Variants in PAM observed in about 807,000 individuals in gnomAD.
The protein encoded by PAM is peptidyl-glycine alpha-amidating monooxygenase.
In PAM, 72 loss-of-function variants were observed where a neutral mutation model predicts 122.1. That is an observed-to-expected ratio of 0.59 (90% CI 0.49 to 0.72). The LOEUF (loss-of-function observed/expected upper bound fraction) is 0.72. Ranked by LOEUF, PAM falls within the 30% of genes least tolerant of loss-of-function variation. PAM has a pLI of 0.00. For synonymous variants in PAM, 389 were observed against 404.4 expected, an observed-to-expected ratio of 0.96 and a Z score of 0.46; for missense variants, 1,106 against 1,183.7, an observed-to-expected ratio of 0.93 and a Z score of 0.96.
chr5:102,880,730 A>C (rs1790704272), intron 3 of PAM, among the ~76,000 whole-genome samples: 1 of 152,094 alleles, frequency 6.6e-6, no homozygotes, highest in Non-Finnish European at 1.5e-5. Context: ...AATGAAAAAT[A>C]GAATGAAAAT....
chr5:102,885,188 A>G (rs1329618166), intron 3 of PAM, among the ~76,000 whole-genome samples: 1 of 151,816 alleles, frequency 6.6e-6, no homozygotes, highest in Non-Finnish European at 1.5e-5. Flanking sequence ...ATCAAAGTAG[A>G]TTCAAGCAGG....
chr5:102,997,504 G>A (rs1235398518), intron 16 of PAM, among the ~76,000 whole-genome samples: 1 of 151,840 alleles, frequency 6.6e-6, no homozygotes, highest in African/African-American at 2.4e-5. Context: ...GAGCAACAGA[G>A]ACCCTGTCTC....
Position 102,766,926 on chromosome 5 carries a change from A to ATTTTTTTTTTTTTTTTTTTTT in PAM, c.-374+11589_-374+11609dup. On this transcript the variant is annotated intron_variant, in intron 1 of 25. Coordinates refer to ENST00000438793, the MANE Select transcript of PAM (RefSeq NM_001177306.2). ...ATTTATTTTATTGCTTCAGTTGTGGATTTTTTTTTTTTTTTTTTTTTTTTT... is the reference window on the plus strand; with the variant it reads ...ATTTATTTTATTGCTTCAGTTGTGGATTTTTTTTTTTTTTTTTTTTTTTTTTTTTTTTTTTTTTTTTTTTTT... 5.2e-3 allele frequency among the ~76,000 whole-genome samples: 134 copies of ATTTTTTTTTTTTTTTTTTTTT among 25,854 alleles called. 55 individuals carry two copies. The highest frequency in any genetic ancestry group is 0.014 in the East Asian group (10 of 702). The allele number at this position is 25,854 out of a possible 152,430, so 17.0% of individuals were successfully genotyped here.
At chr5:102,757,321 C>G (rs1431207316) in intron 1 of PAM, among the ~76,000 whole-genome samples, 1 of 112,876 alleles carries the variant, frequency 8.9e-6, no homozygotes, top group Admixed American at 8.3e-5. Flanking sequence ...GTGAGACTCT[C>G]TCAAAAAAAG....
At chr5:102,963,172 C>T (rs1315304413) in intron 14 of PAM, among the ~76,000 whole-genome samples, 1 of 151,730 alleles carries the variant, frequency 6.6e-6, no homozygotes, top group Non-Finnish European at 1.5e-5. Flanking sequence ...TGTGTATGAT[C>T]CTACCAGTCT....
chr5:102,956,326 T>A (rs866932192), intron 12 of PAM, among the ~76,000 whole-genome samples: 1 of 152,168 alleles, frequency 6.6e-6, no homozygotes, highest in Non-Finnish European at 1.5e-5. Context: ...CATATATGTA[T>A]ACTCTTACAC....
At chr5:102,883,220 T>C (rs989160361) in intron 3 of PAM, among the ~76,000 whole-genome samples, 1 of 151,992 alleles carries the variant, frequency 6.6e-6, no homozygotes, top group Non-Finnish European at 1.5e-5. Flanking sequence ...TGGTTCCATA[T>C]GAGTTTTAGG....
At chr5:102,983,306 C>T (rs1265739979) in intron 15 of PAM, among the ~76,000 whole-genome samples, 3 of 151,588 alleles carry the variant, frequency 2.0e-5, no homozygotes, top group African/African-American at 7.3e-5. Flanking sequence ...TAAAACTAGC[C>T]AGACGGGGTG....
At chr5:102,798,931 C>T (rs32676) in intron 1 of PAM, among the ~76,000 whole-genome samples, 46,173 of 151,916 alleles carry the variant, frequency 0.3, 7,463 homozygotes, top group Non-Finnish European at 0.37. Flanking sequence ...ATTAAAAATC[C>T]TATTGCTTAG....
chr5:102,973,149 A>G (rs1426483806), intron 14 of PAM, among the ~76,000 whole-genome samples: 1 of 152,202 alleles, frequency 6.6e-6, no homozygotes, highest in Non-Finnish European at 1.5e-5. Context: ...CATCATTAGC[A>G]GCACCTAGTA....
intron 10 of PAM, 114 bp from the exon 11 acceptor site, chr5:102,949,788 T>C (rs575342622): frequency 1.4e-6 from 1 of 699,858 alleles, no homozygotes; most frequent in East Asian, 2.7e-5. Context: ...AGATACTCAG[T>C]CTTTGCAGCT....
intron 1 of PAM, among the ~76,000 whole-genome samples, chr5:102,791,745 T>G (rs976155895): frequency 1.3e-5 from 2 of 152,144 alleles, no homozygotes; most frequent in South Asian, 4.1e-4. Context: ...TGTAGTAAAT[T>G]CCCTTCTTTC....
intron 21 of PAM, 24 bp downstream of exon 21, chr5:103,009,890 TTCAA>T (rs757484657): frequency 1.4e-5 from 17 of 1,230,916 alleles, no homozygotes; most frequent in Admixed American, 2.2e-5. Context: ...TTGTCTAGGT[TTCAA>T]TTTTCATGAG....
Position 102,961,848 on chromosome 5 carries a change from T to G in PAM, c.1162+619T>G, listed in dbSNP as rs541177998. ...GCATGTGCTGGTACTAAAAAATTAC[T>G]TCCCTGAATCTTGGCTTTTTGCCAG... is the stretch of plus-strand genomic sequence containing the variant. On this transcript the variant is annotated intron_variant, in intron 14 of 25. Coordinates refer to ENST00000438793, the MANE Select transcript of PAM (RefSeq NM_001177306.2). 2.0e-5 allele frequency among the ~76,000 whole-genome samples: 3 copies of G among 152,096 alleles called. No homozygotes were observed. In the South Asian group the frequency reaches 6.2e-4, roughly 32 times the overall value.
At chr5:102,981,987 G>T (rs1278330765) in intron 15 of PAM, among the ~76,000 whole-genome samples, 1 of 152,006 alleles carries the variant, frequency 6.6e-6, no homozygotes, top group African/African-American at 2.4e-5. Context: ...ATTTCCCATG[G>T]ACATACACCA....
At chr5:102,929,951 T>G (rs1750902700) in intron 7 of PAM, among the ~76,000 whole-genome samples, 1 of 152,080 alleles carries the variant, frequency 6.6e-6, no homozygotes, top group African/African-American at 2.4e-5. Flanking sequence ...CTTCTTCCAA[T>G]GTGGCCCAGG....
intron 1 of PAM, among the ~76,000 whole-genome samples, chr5:102,774,577 T>A (rs771639465): frequency 2.6e-4 from 39 of 152,114 alleles, no homozygotes; most frequent in Non-Finnish European, 4.4e-4. Flanking sequence ...GGGTAAGAAG[T>A]CTGTACATAA....
intron 12 of PAM, among the ~76,000 whole-genome samples, chr5:102,951,777 G>A (rs1053826385): frequency 6.6e-6 from 1 of 151,988 alleles, no homozygotes; most frequent in Non-Finnish European, 1.5e-5. Flanking sequence ...TAAGGCTAAG[G>A]ATAAAACAAA....
At chr5:102,917,909 T>C (rs1581681545) in intron 5 of PAM, among the ~76,000 whole-genome samples, 1 of 152,206 alleles carries the variant, frequency 6.6e-6, no homozygotes, top group Non-Finnish European at 1.5e-5. Flanking sequence ...GTGATTTTAA[T>C]TTTAAAGTTT....
Sources: allele counts gnomAD v4.1 joint callset (sites outside exome capture counted in the v4.1 genomes callset), GRCh38; gene constraint gnomAD v4.1.1; transcripts MANE v1.5; gene names NCBI Gene and HGNC (gene_info 2026-07-23, HGNC 2026-07-21).